Variants in CKAP5 observed in about 807,000 individuals in gnomAD.
CKAP5 encodes cytoskeleton associated protein 5, also known as cytoskeleton-associated protein 5.
Under a neutral mutation model 232.8 loss-of-function variants are expected in CKAP5, and 27 were observed. The ratio of observed to expected loss-of-function variants is 0.12; its 90% confidence interval spans 0.09 to 0.16. The LOEUF is 0.16. CKAP5 is among the 10% of genes least tolerant of loss of function. The probability of loss-of-function intolerance (pLI) is 1.00; values close to 1 mark genes in which losing one functional copy is unlikely to be tolerated. For missense variants in CKAP5, 1,838 were observed against 2,424.7 expected (o/e 0.76, Z 5.08); for synonymous variants, 785 against 841.1 (o/e 0.93, Z 1.16).
intron 1 of CKAP5, among the ~76,000 whole-genome samples, chr11:46,845,685 G>A (rs1250156837): frequency 6.6e-6 from 1 of 152,208 alleles, no homozygotes; most frequent in Admixed American, 6.5e-5. Flanking sequence ...GTCGTTAAGG[G>A]CGGGGTGGTG....
rs1032694311 is a variant in CKAP5 at position 46,762,841 on chromosome 11, A to T, written c.3892-79T>A. ...TTCTCCCATGCATTACTATGTTTTG[A>T]AAGAATAGGGAAATAGGGATAAGTA... On this transcript the variant is annotated intron_variant, in intron 30 of 43. Transcript: ENST00000529230. 4.6e-6 allele frequency: 7 copies of T among 1,513,856 alleles called. No homozygotes were observed. In the African/African-American group the frequency reaches 9.6e-5, roughly 21 times the overall value. 93.8% of individuals were successfully genotyped at this position (1,513,856 alleles called of 1,614,324 possible).
chr11:46,768,146 G>A (rs893469254), intron 26 of CKAP5, among the ~76,000 whole-genome samples: 7 of 151,986 alleles, frequency 4.6e-5, no homozygotes, highest in Admixed American at 1.3e-4. Flanking sequence ...AAGCGTAAGA[G>A]AGAAATTAAT....
rs1303553924 is a variant in CKAP5 at position 46,790,598 on chromosome 11, A to C, written c.1651-15T>G. On this transcript the variant is annotated splice_polypyrimidine_tract_variant and intron_variant, in intron 13 of 43. Transcript: ENST00000529230. ...GGCCCACCAGCCTAAAAACAATTTA[A>C]AAAATAAAAATTAAACCACCTAAGG... 1 of 1,560,304 alleles carries C rather than the reference A, an allele frequency of 6.4e-7. No homozygotes were observed. The highest frequency in any genetic ancestry group is 8.8e-7 in the Non-Finnish European group (1 of 1,137,388).
At position 46,826,838 on chromosome 11, in the gene CKAP5, C is replaced by G. The variant is rs1939666869; in HGVS notation, c.-37-5570G>C. 3 of 155,576 alleles carry G rather than the reference C, an allele frequency of 1.9e-5. No homozygotes were observed. In the South Asian group the frequency reaches 5.2e-4, roughly 27 times the overall value. The allele number at this position is 155,576 out of a possible 1,614,324, so 9.6% of individuals were successfully genotyped here. A position where few individuals can be genotyped will look rare whatever the true frequency, so the allele number is the denominator to read the frequency against. On this transcript the variant is annotated intron_variant, in intron 1 of 43. Coordinates refer to ENST00000529230, the MANE Select transcript of CKAP5 (RefSeq NM_001008938.4). ...AGGAATACCCGGCAGGCGGCGGCGG[C>G]GGCGGCAGCAGCATTGGTGCTGCGG...
intron 1 of CKAP5, among the ~76,000 whole-genome samples, chr11:46,822,495 C>G (rs1354222126): frequency 1.3e-5 from 2 of 151,736 alleles, no homozygotes. Flanking sequence ...GGCTGACGCC[C>G]GTAATCCCAG....
rs765646635 is a variant in CKAP5, at chr11:46,818,291, T to C, written c.251+19A>G. 1.3e-6 allele frequency: 2 copies of C among 1,555,646 alleles called. No homozygotes were observed. The highest frequency in any genetic ancestry group is 2.3e-5 in the East Asian group (1 of 43,466). On this transcript the variant is annotated intron_variant, in intron 3 of 43. Transcript: ENST00000529230. ...CAAACAGGGGTTTTTATCAGTAAAG[T>C]TGGAAAGAAAGTACTTACTTTCCTG...
At chr11:46,803,463 T>G (rs1447855819) in intron 8 of CKAP5, among the ~76,000 whole-genome samples, 1 of 151,966 alleles carries the variant, frequency 6.6e-6, no homozygotes, top group East Asian at 2.0e-4. Context: ...AAACAGAGTT[T>G]CTTCATGTTG....
intron 26 of CKAP5, among the ~76,000 whole-genome samples, chr11:46,769,736 A>C (rs1486160132): frequency 2.6e-5 from 4 of 152,092 alleles, no homozygotes; most frequent in African/African-American, 9.7e-5. Flanking sequence ...AACTTTTTAG[A>C]ATTAGAAACC....
chr11:46,841,724 G>A (rs932133940), intron 1 of CKAP5, among the ~76,000 whole-genome samples: 5 of 152,106 alleles, frequency 3.3e-5, no homozygotes, highest in African/African-American at 9.7e-5. Context: ...ATGCTGGCTC[G>A]GCACGGTGGC....
Position 46,812,617 on chromosome 11 carries a change from A to G in CKAP5, c.459-1439T>C, listed in dbSNP as rs576942889. Among the ~76,000 whole-genome samples the G allele has an allele frequency of 1.6e-3, 248 of 152,164 alleles. 1 individual carries two copies. Among genetic ancestry groups the G allele is most frequent in the Non-Finnish European group, 1.9e-3 (127 of 67,982 alleles). ...TCAGTAATAGCTACTAGTGTACTCC[A>G]ACGATTTTTTTTTCTTGGTTTTTGT... On this transcript the variant is annotated intron_variant, in intron 4 of 43. Coordinates refer to ENST00000529230, the MANE Select transcript of CKAP5 (RefSeq NM_001008938.4).
At chr11:46,747,127 C>A (rs1210155134) in intron 42 of CKAP5, among the ~76,000 whole-genome samples, 2 of 151,822 alleles carry the variant, frequency 1.3e-5, no homozygotes, top group Admixed American at 1.3e-4. Context: ...AGAGTGAGAC[C>A]CTGTCTCAAA....
intron 12 of CKAP5, 150 bp downstream of exon 12, chr11:46,796,662 G>T: frequency 2.6e-6 from 2 of 767,940 alleles, no homozygotes; most frequent in Non-Finnish European, 4.0e-6. Flanking sequence ...TTTCAATTAT[G>T]CATTTCTTTC....
chr11:46,752,387 C>G (rs2065076318), intron 38 of CKAP5, among the ~76,000 whole-genome samples: 1 of 150,930 alleles, frequency 6.6e-6, no homozygotes. Context: ...TATGATCAAG[C>G]TCACTTCTGG....
chr11:46,762,437 C>T, intron 31 of CKAP5, 190 bp downstream of exon 31: 1 of 874,670 alleles, frequency 1.1e-6, no homozygotes. Context: ...CAGGGTGATA[C>T]TGAGTGGTGC....
chr11:46,838,792 TCAAAAA>T (rs1939979244), intron 1 of CKAP5, among the ~76,000 whole-genome samples: 1 of 2,082 alleles, frequency 4.8e-4, no homozygotes, highest in African/African-American at 1.1e-3. Context: ...GGACCCCATC[TCAAAAA>T]AAAAAAAAAA....
intron 11 of CKAP5, 94 bp downstream of exon 11, chr11:46,797,711 A>T: frequency 8.0e-7 from 1 of 1,243,292 alleles, no homozygotes; most frequent in Non-Finnish European, 1.1e-6. Flanking sequence ...TAACCTCTAT[A>T]GTCTGAAAGT....
At chr11:46,744,657 A>G in intron 42 of CKAP5, 80 bp from the exon 43 acceptor site, 1 of 1,335,274 alleles carries the variant, frequency 7.5e-7, no homozygotes, top group Non-Finnish European at 1.0e-6. Flanking sequence ...CTCCCACCAA[A>G]AAGAACAATT....
At chr11:46,831,700 T>G (rs1939797007) in intron 1 of CKAP5, among the ~76,000 whole-genome samples, 1 of 151,790 alleles carries the variant, frequency 6.6e-6, no homozygotes, top group Non-Finnish European at 1.5e-5. Context: ...CTGTCTAATT[T>G]TTAAATTTTT....
At chr11:46,781,826 AT>A (rs775088947) in intron 18 of CKAP5, among the ~76,000 whole-genome samples, 1 of 152,124 alleles carries the variant, frequency 6.6e-6, no homozygotes, top group Admixed American at 6.6e-5. Context: ...GTAAAAAAAA[AT>A]AGATATATAT....
Sources: allele counts gnomAD v4.1 joint callset (sites outside exome capture counted in the v4.1 genomes callset), GRCh38; gene constraint gnomAD v4.1.1; transcripts MANE v1.5; gene names NCBI Gene and HGNC (gene_info 2026-07-23, HGNC 2026-07-21).